ASPM: variants seen among roughly 807,000 people sequenced by gnomAD.
ASPM encodes the protein abnormal spindle-like microcephaly-associated protein.
In ASPM, 256 loss-of-function variants were observed where a neutral mutation model predicts 366.4. The observed-to-expected ratio is 0.70, with a 90% CI of 0.63 to 0.77. The LOEUF (loss-of-function observed/expected upper bound fraction) is 0.77, where lower values mean the gene tolerates loss of function less well. Ranked by LOEUF, ASPM falls within the 30% of genes least tolerant of loss-of-function variation. The probability of loss-of-function intolerance (pLI) is 0.00; values close to 1 mark genes in which losing one functional copy is unlikely to be tolerated. For missense variants in ASPM, 4,146 were observed against 4,090.4 expected, an observed-to-expected ratio of 1.01 and a Z score of -0.37; for synonymous variants, 1,414 against 1,342.9, an observed-to-expected ratio of 1.05 and a Z score of -1.16.
rs1658778175 is a variant in ASPM, at chr1:197,146,306, G to A, written c.132C>T (p.Phe44=). The A allele has an allele frequency of 6.2e-7, 1 of 1,613,912 alleles. No homozygotes were observed. The highest frequency in any genetic ancestry group is 2.2e-5 in the East Asian group (1 of 44,866). ...SSPPVLSLSH[F]CRSPFLCFGD... Reference sequence around the variant, plus strand: ...CGAAGCAAAGGAAAGGAGACCTGCAGAAGTGGCTGAGAGACAGGACCGGCG... The same window carrying A: ...CGAAGCAAAGGAAAGGAGACCTGCAAAAGTGGCTGAGAGACAGGACCGGCG... Residue 44 remains phenylalanine (F), a synonymous_variant, in exon 1 of 28, where the codon TTC becomes TTT. Coordinates refer to ENST00000367409, the MANE Select transcript of ASPM (RefSeq NM_018136.5).
intron 17 of ASPM, among the ~76,000 whole-genome samples, chr1:197,115,594 C>T (rs923287011): frequency 6.6e-6 from 1 of 152,134 alleles, no homozygotes; most frequent in African/African-American, 2.4e-5. Context: ...CAACTTAAAA[C>T]TCAAATTAAT....
In ASPM at chr1:197,122,515, T is replaced by C. The variant is rs749353893; in HGVS notation, c.3471A>G (p.Pro1157=). The C allele has an allele frequency of 3.7e-6, 6 of 1,613,556 alleles. No homozygotes were observed. Among genetic ancestry groups the C allele is most frequent in the Non-Finnish European group, 5.1e-6 (6 of 1,179,714 alleles). The change falls in exon 14 of 28, where the codon CCA becomes CCG. Residue 1157 remains proline, a synonymous_variant. Coordinates refer to ENST00000367409, the MANE Select transcript of ASPM (RefSeq NM_018136.5). ...LIHHYHPCYV[P]FDAICQRTTQ... ...TAGTACGCTGACATATAGCGTCAAA[T>C]GGCACATAGCAAGGATGGTAATGGT... is the stretch of plus-strand genomic sequence containing the variant.
Position 197,143,824 on chromosome 1 carries a change from G to A in ASPM, c.442-14C>T. On this transcript the variant is annotated splice_polypyrimidine_tract_variant and intron_variant, in intron 2 of 27. Coordinates refer to ENST00000367409, the MANE Select transcript of ASPM (RefSeq NM_018136.5). ...CCAAAGACTCCTCTGCAAAAATAAG[G>A]AAAATATACCAATTAAGTTTGTAGC... 1.2e-6 allele frequency: 2 copies of A among 1,608,202 alleles called. No individual in the cohort carries two copies. Among genetic ancestry groups the A allele is most frequent in the African/African-American group, 1.3e-5 (1 of 74,838 alleles).
At chr1:197,111,402 T>C (rs1442297769) in intron 17 of ASPM, among the ~76,000 whole-genome samples, 1 of 151,898 alleles carries the variant, frequency 6.6e-6, no homozygotes, top group African/African-American at 2.4e-5. Flanking sequence ...CCCGTCAAGA[T>C]GGCTGTTTTT....
Position 197,129,886 on chromosome 1 carries a change from G to A in ASPM, c.2629+29C>T, listed in dbSNP as rs201856338. ...ATAAGCCATTCATGTATAATGTGGA[G>A]AGAATGTAGGAGAGGCAGAGATACT... On this transcript the variant is annotated intron_variant, in intron 8 of 27. Transcript: ENST00000367409. 6.6e-4 allele frequency: 1,062 copies of A among 1,600,666 alleles called. 8 individuals are homozygous for A. The African/African-American group carries it at 0.012, about 18-fold the overall frequency.
Position 197,142,364 on chromosome 1 carries a change from T to C in ASPM, c.1888A>G (p.Asn630Asp). Reference protein sequence around the residue: ...VTTPISKRISNREKLNLKKKT... With the variant: ...VTTPISKRISDREKLNLKKKT... ...TTCTTCAGGTTTAATTTCTCTCTGTTGCTAATACGTTTTGAGATGGGTGTT... is the reference window on the plus strand; with the variant it reads ...TTCTTCAGGTTTAATTTCTCTCTGTCGCTAATACGTTTTGAGATGGGTGTT... The change falls in exon 3 of 28, where the codon AAC becomes GAC. Residue 630 changes from asparagine to aspartate, a missense_variant. By Grantham distance (23) the Asn-to-Asp change is conservative. Transcript: ENST00000367409. 6.2e-7 allele frequency: 1 copy of C among 1,613,884 alleles called. No homozygotes were observed. The highest frequency in any genetic ancestry group is 8.5e-7 in the Non-Finnish European group (1 of 1,179,784).
chr1:197,131,216 C>G (rs913313764), intron 7 of ASPM, among the ~76,000 whole-genome samples: 1 of 152,160 alleles, frequency 6.6e-6, no homozygotes, highest in Non-Finnish European at 1.5e-5. Context: ...TACAAAGATC[C>G]TGTTCGGTCC....
rs79484782 is a variant in ASPM at position 197,132,597 on chromosome 1, A to G, written c.2420-245T>C. On this transcript the variant is annotated intron_variant, in intron 6 of 27. Transcript: ENST00000367409. ...TACAAAATCTCTTGGGGACATCAGTATCTGGAAGAGATACCTGCATTCTTA... is the reference window on the plus strand; with the variant it reads ...TACAAAATCTCTTGGGGACATCAGTGTCTGGAAGAGATACCTGCATTCTTA... 1.3e-3 allele frequency among the ~76,000 whole-genome samples: 192 copies of G among 152,214 alleles called. 5 individuals carry two copies. The East Asian group carries it at 0.035, about 28-fold the overall frequency.
At position 197,104,265 on chromosome 1, in the gene ASPM, A is replaced by C; in HGVS notation, c.4986T>G (p.Ile1662Met). ...YIHILTSVIKIQSYYRAYVSK... is the reference protein window; with the variant it reads ...YIHILTSVIKMQSYYRAYVSK... ...AAACATAAGCACGATAATATGATTG[A>C]ATCTTTATAACAGATGTGAGGATGT... The change falls in exon 18 of 28, where the codon ATT (isoleucine) becomes ATG (methionine). Residue 1662 changes from isoleucine to methionine, a missense_variant. Physicochemically the swap from Ile to Met is conservative, Grantham distance 10. This residue lies in a region of ASPM where 3,624 missense variants were observed against 3,591.7 expected (regional missense o/e 1.01). Coordinates refer to ENST00000367409, the MANE Select transcript of ASPM (RefSeq NM_018136.5). 6.2e-7 allele frequency: 1 copy of C among 1,613,006 alleles called. No homozygotes were observed. The highest frequency in any genetic ancestry group is 8.5e-7 in the Non-Finnish European group (1 of 1,179,418).
Position 197,104,140 on chromosome 1 carries a change from G to T in ASPM, c.5111C>A (p.Ala1704Asp). Residue 1704 changes from alanine to aspartate, a missense_variant, in exon 18 of 28, where the codon GCT becomes GAT. Physicochemically the swap from Ala to Asp is moderately radical, Grantham distance 126. Transcript: ENST00000367409. ...TRKQYLHLRAAALFIQQCYRS... is the reference protein window; with the variant it reads ...TRKQYLHLRADALFIQQCYRS... The stretch of plus-strand genomic sequence containing the variant: ...GTAACATTGCTGGATAAATAGTGCA[G>T]CTGCTCTTAAATGCAAATATTGTTT... The T allele has an allele frequency of 6.2e-7, 1 of 1,612,842 alleles. No homozygotes were observed.
chr1:197,120,937 C>T (rs894986521), intron 16 of ASPM, among the ~76,000 whole-genome samples: 2 of 152,108 alleles, frequency 1.3e-5, no homozygotes, highest in Non-Finnish European at 2.9e-5. Flanking sequence ...TTCAATTAGT[C>T]TTATTTCCAA....
intron 16 of ASPM, among the ~76,000 whole-genome samples, chr1:197,121,097 G>T (rs1657893954): frequency 6.6e-6 from 1 of 152,066 alleles, no homozygotes; most frequent in African/African-American, 2.4e-5. Flanking sequence ...AAATATTTAT[G>T]ATAAATTTTA....
Position 197,103,673 on chromosome 1 carries a change from C to A in ASPM, c.5578G>T (p.Ala1860Ser), listed in dbSNP as rs370807756. ...CTTGTATCATGAAGAGTCTTGTACG[C>A]CCTGTACCATCTCTGAATCTTTATT... ...SIIKIQRWYR[A>S]YKTLHDTRTH... Residue 1860 changes from alanine (A) to serine (S), a missense_variant, in exon 18 of 28, where the codon GCG becomes TCG. Coordinates refer to ENST00000367409, the MANE Select transcript of ASPM (RefSeq NM_018136.5). 8 of 1,612,842 alleles carry A rather than the reference C, an allele frequency of 5.0e-6. No homozygotes were observed. The African/African-American group carries it at 6.7e-5, about 13-fold the overall frequency.
intron 26 of ASPM, 53 bp from the exon 27 acceptor site, chr1:197,087,025 C>G (rs1371699627): frequency 6.2e-6 from 9 of 1,454,604 alleles, no homozygotes; most frequent in Non-Finnish European, 8.4e-6. Flanking sequence ...AAAATTTTAT[C>G]TCTTTTAGAC....
At chr1:197,121,543 C>G (rs1449175021) in intron 16 of ASPM, among the ~76,000 whole-genome samples, 1 of 152,188 alleles carries the variant, frequency 6.6e-6, no homozygotes, top group East Asian at 1.9e-4. Context: ...TCATACAGCA[C>G]AGAATAAAAA....
intron 4 of ASPM, chr1:197,138,653 T>C: frequency 1.9e-6 from 1 of 527,430 alleles, no homozygotes; most frequent in Non-Finnish European, 3.4e-6. Flanking sequence ...ATTTTTAAAA[T>C]AAGAACTTCA....
At chr1:197,126,559 C>A (rs1318603396) in intron 10 of ASPM, among the ~76,000 whole-genome samples, 1 of 151,540 alleles carries the variant, frequency 6.6e-6, no homozygotes, top group Non-Finnish European at 1.5e-5. Flanking sequence ...AAAACAATTC[C>A]TATTGGCCAG....
chr1:197,089,174 G>A (rs1478382859), intron 25 of ASPM, among the ~76,000 whole-genome samples: 1 of 151,950 alleles, frequency 6.6e-6, no homozygotes, highest in Non-Finnish European at 1.5e-5. Flanking sequence ...ACTGAGCTGG[G>A]ATTCAAACTC....
chr1:197,085,174 A>C (rs1433519522), intron 27 of ASPM, among the ~76,000 whole-genome samples: 1 of 152,184 alleles, frequency 6.6e-6, no homozygotes, highest in Non-Finnish European at 1.5e-5. Context: ...ATTGAGTCAA[A>C]ATATCTGCCT....
Sources: gnomAD v4.1 joint callset for allele counts (sites outside exome capture counted in the v4.1 genomes callset) on GRCh38, gnomAD v4.1.1 for gene constraint, gnomAD v4.1.1 regional missense constraint, MANE v1.5 for transcripts, NCBI Gene and HGNC (gene_info 2026-07-23, HGNC 2026-07-21) for gene names.